The following TMEM217 variants were observed in gnomAD, a reference collection of about 807,000 sequenced individuals.
TMEM217 encodes chromosome 6 open reading frame 128.
For missense variants in TMEM217, 204 were observed against 248.8 expected (o/e 0.82, Z 1.21); for synonymous variants, 76 against 88.3 (o/e 0.86, Z 0.78).
At chr6:37,254,866 G>A (rs1338718129) in intron 1 of TMEM217, among the ~76,000 whole-genome samples, 1 of 152,042 alleles carries the variant, frequency 6.6e-6, no homozygotes, top group Non-Finnish European at 1.5e-5. Flanking sequence ...GAAAATTTTG[G>A]GGGAGGGGGG....
intron 1 of TMEM217, among the ~76,000 whole-genome samples, chr6:37,240,493 TGA>T (rs149590438): frequency 4.3e-4 from 64 of 149,512 alleles, no homozygotes; most frequent in Middle Eastern, 3.4e-3. Context: ...GAGTAAGTGA[TGA>T]GAGAGAGAGA....
At chr6:37,225,496 A>C (rs1426604707) in intron 1 of TMEM217, among the ~76,000 whole-genome samples, 1 of 152,198 alleles carries the variant, frequency 6.6e-6, no homozygotes, top group Non-Finnish European at 1.5e-5. Context: ...CCTAAGGAAA[A>C]AAATAAAAAG....
intron 1 of TMEM217, among the ~76,000 whole-genome samples, chr6:37,229,039 A>G (rs186786553): frequency 3.9e-4 from 59 of 152,144 alleles, no homozygotes; most frequent in African/African-American, 1.3e-3. Flanking sequence ...AATAATAATA[A>G]CGAACATTTA....
chr6:37,256,741 A>AGGGTGG (rs894940686), intron 1 of TMEM217, among the ~76,000 whole-genome samples: 2 of 9,126 alleles, frequency 2.2e-4, no homozygotes, highest in Non-Finnish European at 4.3e-4. Context: ...CTGTAAATGG[A>AGGGTGG]GGGTGGGGGT....
At chr6:37,220,991 AG>A (rs2113819700) in intron 1 of TMEM217, among the ~76,000 whole-genome samples, 1 of 152,254 alleles carries the variant, frequency 6.6e-6, no homozygotes, top group East Asian at 1.9e-4. Context: ...ACCATTTTTA[AG>A]TAGACAGTTT....
chr6:37,238,675 C>T (rs1293705925), intron 1 of TMEM217, among the ~76,000 whole-genome samples: 1 of 152,170 alleles, frequency 6.6e-6, no homozygotes, highest in Non-Finnish European at 1.5e-5. Context: ...TGGTGTGATG[C>T]CTGCAGCCTC....
intron 1 of TMEM217, among the ~76,000 whole-genome samples, chr6:37,226,527 G>A (rs1439858848): frequency 6.6e-6 from 1 of 150,766 alleles, no homozygotes; most frequent in African/African-American, 2.4e-5. Context: ...TCGATCTCCT[G>A]ACCTCGTGAT....
downstream of TMEM217, among the ~76,000 whole-genome samples, chr6:37,214,694 G>C (rs1213435862): frequency 1.3e-5 from 2 of 152,052 alleles, no homozygotes; most frequent in Admixed American, 6.5e-5. Context: ...TTTGTCCTTC[G>C]GTATCTGGCT....
intron 1 of TMEM217, among the ~76,000 whole-genome samples, chr6:37,247,904 T>C (rs1222275708): frequency 6.6e-6 from 1 of 152,274 alleles, no homozygotes; most frequent in East Asian, 1.9e-4. Flanking sequence ...TTTTCCATAG[T>C]TCTCGGGAGA....
intron 1 of TMEM217, among the ~76,000 whole-genome samples, chr6:37,230,857 A>G (rs1415180206): frequency 6.6e-6 from 1 of 152,166 alleles, no homozygotes; most frequent in Non-Finnish European, 1.5e-5. Context: ...GTTGTCTTAT[A>G]AAAATTAAGT....
At chr6:37,240,555 T>A (rs1384255154) in intron 1 of TMEM217, among the ~76,000 whole-genome samples, 1 of 152,178 alleles carries the variant, frequency 6.6e-6, no homozygotes, top group Non-Finnish European at 1.5e-5. Flanking sequence ...TCAGAAGTGA[T>A]ATCCATCACT....
At chr6:37,230,537 G>T (rs959612987) in intron 1 of TMEM217, among the ~76,000 whole-genome samples, 1 of 152,152 alleles carries the variant, frequency 6.6e-6, no homozygotes, top group Non-Finnish European at 1.5e-5. Flanking sequence ...CTTATAAGAA[G>T]AGAAGATTAG....
chr6:37,218,503 G>C (rs185156787), exon 2 of TMEM217: 2 of 1,613,954 alleles, frequency 1.2e-6, no homozygotes, highest in Non-Finnish European at 1.7e-6. Flanking sequence ...TATTTCTGCT[G>C]TGGAGAATCT....
rs1336062772 is a variant in TMEM217, at chr6:37,229,345, T to TTTG, written c.-11-10305_-11-10304insCAA. On this transcript the variant is annotated intron_variant, in intron 1 of 1. Coordinates refer to ENST00000357219, the Ensembl canonical transcript of TMEM217. ...CCCTAGCAACTTTCAGTTTTTTTTTTTTTTTTTTTTTTTTTGAGACAGTGT... is the reference window on the plus strand; with the variant it reads ...CCCTAGCAACTTTCAGTTTTTTTTTTTTGTTTTTTTTTTTTTTTGAGACAGTGT... 7.1e-3 allele frequency among the ~76,000 whole-genome samples: 915 copies of TTTG among 128,748 alleles called. 29 individuals carry two copies. Among genetic ancestry groups the TTTG allele is most frequent in the Middle Eastern group, 0.05 (13 of 258 alleles). 84.5% of individuals were successfully genotyped at this position (128,748 alleles called of 152,430 possible).
chr6:37,246,240 A>C (rs1441176749), intron 1 of TMEM217, among the ~76,000 whole-genome samples: 1 of 152,212 alleles, frequency 6.6e-6, no homozygotes, highest in East Asian at 1.9e-4. Context: ...AGTGGCTTAA[A>C]ACCACAAGCA....
chr6:37,231,163 G>A (rs970738957), intron 1 of TMEM217, among the ~76,000 whole-genome samples: 3 of 150,922 alleles, frequency 2.0e-5, no homozygotes, highest in Non-Finnish European at 2.9e-5. Flanking sequence ...GGGTTCAAGC[G>A]ATTCTCCTGC....
At chr6:37,251,360 C>G (rs992663035) in intron 1 of TMEM217, among the ~76,000 whole-genome samples, 2 of 129,740 alleles carry the variant, frequency 1.5e-5, no homozygotes, top group African/African-American at 5.8e-5. Context: ...AGTTGAGAAA[C>G]TATAATTTGA....
intron 1 of TMEM217, among the ~76,000 whole-genome samples, chr6:37,256,824 C>G (rs1315469404): frequency 6.6e-6 from 1 of 152,174 alleles, no homozygotes; most frequent in Non-Finnish European, 1.5e-5. Flanking sequence ...TGGTGCCCGC[C>G]TTCCCTCTTT....
At chr6:37,251,460 G>A (rs1765395803) in intron 1 of TMEM217, among the ~76,000 whole-genome samples, 1 of 152,194 alleles carries the variant, frequency 6.6e-6, no homozygotes, top group Non-Finnish European at 1.5e-5. Context: ...CAGGAAATGA[G>A]AATTGAGGAA....
Sources: allele counts gnomAD v4.1 joint callset (sites outside exome capture counted in the v4.1 genomes callset), GRCh38; gene constraint gnomAD v4.1.1; transcripts MANE v1.5; gene names NCBI Gene and HGNC (gene_info 2026-07-23, HGNC 2026-07-21).